CADM2: variants seen among roughly 807,000 people sequenced by gnomAD.
CADM2 encodes the protein immunoglobulin superfamily member 4D.
CADM2 carries 12 observed loss-of-function variants against 49.8 expected under a neutral mutation model. The observed-to-expected ratio is 0.24, with a 90% confidence interval of 0.15 to 0.39. The LOEUF (loss-of-function observed/expected upper bound fraction) is 0.39, where lower values mean the gene tolerates loss of function less well. CADM2 is among the 10% of genes least tolerant of loss of function. CADM2 has a pLI of 1.00. For synonymous variants in CADM2, 214 were observed against 175.4 expected (o/e 1.22, Z -1.74); for missense variants, 378 against 492.3 (o/e 0.77, Z 2.20).
At chr3:85,597,791 C>T (rs1193308738) in intron 1 of CADM2, among the ~76,000 whole-genome samples, 1 of 151,914 alleles carries the variant, frequency 6.6e-6, no homozygotes, top group Non-Finnish European at 1.5e-5. Flanking sequence ...ACAGTTTTCC[C>T]CTCTTTGATG....
At chr3:85,198,610 A>G (rs956493423) in intron 1 of CADM2, among the ~76,000 whole-genome samples, 15 of 151,866 alleles carry the variant, frequency 9.9e-5, no homozygotes, top group African/African-American at 3.6e-4. Context: ...GTGATATTGT[A>G]GTTTCAGTTT....
intron 1 of CADM2, among the ~76,000 whole-genome samples, chr3:85,312,668 C>A (rs920667127): frequency 2.0e-5 from 3 of 152,012 alleles, no homozygotes; most frequent in Non-Finnish European, 4.4e-5. Flanking sequence ...TAACAGAAGG[C>A]TTAAATTAAT....
intron 1 of CADM2, among the ~76,000 whole-genome samples, chr3:85,519,656 A>C (rs1411254540): frequency 1.3e-5 from 2 of 152,150 alleles, no homozygotes; most frequent in Non-Finnish European, 2.9e-5. Context: ...TACATGTTTT[A>C]GTAAGTAAAG....
rs115274418 is a variant in CADM2, at chr3:85,460,340, G to A, written c.62-266182G>A. Among the ~76,000 whole-genome samples the A allele has an allele frequency of 3.6e-3, 550 of 152,054 alleles. 4 individuals carry two copies. The highest frequency in any genetic ancestry group is 0.013 in the African/African-American group (521 of 41,462). Reference sequence around the variant, plus strand: ...AGAAGCATGAACCACTGTGAAGACAGAATCCAACTTTATAAAAAAAAATTT... The same window carrying A: ...AGAAGCATGAACCACTGTGAAGACAAAATCCAACTTTATAAAAAAAAATTT... On this transcript the variant is annotated intron_variant, in intron 1 of 9. Coordinates refer to ENST00000383699, the MANE Select transcript of CADM2 (RefSeq NM_001167675.2).
chr3:85,336,107 A>C (rs961077284), intron 1 of CADM2, among the ~76,000 whole-genome samples: 1 of 151,356 alleles, frequency 6.6e-6, no homozygotes. Flanking sequence ...ATAAGCTCTT[A>C]TCTTTGACGT....
Position 86,069,366 on chromosome 3 carries a change from A to G in CADM2, c.*2583A>G, listed in dbSNP as rs1266530043. 6.6e-6 allele frequency: 1 copy of G among 152,000 alleles called. No homozygotes were observed. The highest frequency in any genetic ancestry group is 2.4e-5 in the African/African-American group (1 of 41,436). The allele number at this position is 152,000 out of a possible 1,614,324, so 9.4% of individuals were successfully genotyped here. ...TATTATACTAGTTATAAATGCTGGT[A>G]TATTATAATTTGTGGGATCTAATTA... On this transcript the variant is annotated 3_prime_UTR_variant, in exon 10 of 10. Transcript: ENST00000383699.
At chr3:85,376,466 A>G (rs2033598268) in intron 1 of CADM2, among the ~76,000 whole-genome samples, 1 of 152,058 alleles carries the variant, frequency 6.6e-6, no homozygotes, top group Non-Finnish European at 1.5e-5. Context: ...TTAAGAATGT[A>G]ATATAAAAAA....
At chr3:85,293,975 G>A (rs1381201844) in intron 1 of CADM2, among the ~76,000 whole-genome samples, 2 of 151,950 alleles carry the variant, frequency 1.3e-5, no homozygotes, top group South Asian at 2.1e-4. Context: ...AGGGTATTCA[G>A]TTAGGAAAAG....
intron 2 of CADM2, among the ~76,000 whole-genome samples, chr3:85,764,662 T>A (rs2069565343): frequency 6.6e-6 from 1 of 152,060 alleles, no homozygotes; most frequent in Non-Finnish European, 1.5e-5. Flanking sequence ...AAGAGATGCA[T>A]CAGCATATCA....
intron 3 of CADM2, among the ~76,000 whole-genome samples, chr3:85,811,672 A>G (rs1394565579): frequency 6.6e-6 from 1 of 152,164 alleles, no homozygotes; most frequent in Non-Finnish European, 1.5e-5. Flanking sequence ...GTCAACAATG[A>G]TTGCAATGAC....
chr3:85,769,858 A>G (rs1301930970), intron 2 of CADM2, among the ~76,000 whole-genome samples: 1 of 151,658 alleles, frequency 6.6e-6, no homozygotes, highest in Non-Finnish European at 1.5e-5. Context: ...TCAATGAGAA[A>G]AAAAGGGAAA....
chr3:85,095,654 C>T (rs1335876245), intron 1 of CADM2, among the ~76,000 whole-genome samples: 1 of 152,076 alleles, frequency 6.6e-6, no homozygotes, highest in African/African-American at 2.4e-5. Flanking sequence ...TAGTATACAA[C>T]TAATAACCTA....
In CADM2 at chr3:85,159,510, G is replaced by C. The variant is rs954283980; in HGVS notation, c.61+199842G>C. Among the ~76,000 whole-genome samples the C allele has an allele frequency of 9.9e-5, 15 of 152,200 alleles. 1 individual carries two copies. Among genetic ancestry groups the C allele is most frequent in the Middle Eastern group, 6.3e-3 (2 of 316 alleles). On this transcript the variant is annotated intron_variant, in intron 1 of 9. Coordinates refer to ENST00000383699, the MANE Select transcript of CADM2 (RefSeq NM_001167675.2). ...CTCCTGAGATCCTTCAGACCCACTG[G>C]TGTCAGTGGTTTCACATGAGACAAT...
intron 2 of CADM2, among the ~76,000 whole-genome samples, chr3:85,778,266 T>A (rs777433668): frequency 6.6e-6 from 1 of 152,240 alleles, no homozygotes; most frequent in African/African-American, 2.4e-5. Context: ...AGAATCCATA[T>A]GTGTATATGT....
chr3:85,418,280 T>C (rs2036004998), intron 1 of CADM2, among the ~76,000 whole-genome samples: 1 of 152,100 alleles, frequency 6.6e-6, no homozygotes, highest in African/African-American at 2.4e-5. Context: ...TAATGTAAAC[T>C]ATGAATTTTA....
intron 1 of CADM2, among the ~76,000 whole-genome samples, chr3:84,988,190 GGA>G (rs1451003213): frequency 6.6e-6 from 1 of 152,178 alleles, no homozygotes; most frequent in South Asian, 2.1e-4. Flanking sequence ...AAAGAGAGAG[GGA>G]GAGAGAGAGG....
chr3:85,761,919 A>G (rs2069405969), intron 2 of CADM2, among the ~76,000 whole-genome samples: 1 of 152,192 alleles, frequency 6.6e-6, no homozygotes, highest in Non-Finnish European at 1.5e-5. Flanking sequence ...AGGTAGGGAA[A>G]TGAGAGCCTC....
chr3:85,872,149 G>T (rs1211015692), intron 3 of CADM2, among the ~76,000 whole-genome samples: 4 of 152,184 alleles, frequency 2.6e-5, no homozygotes, highest in Non-Finnish European at 4.4e-5. Flanking sequence ...CTCAAAGCCT[G>T]TAAGTCTAGA....
At chr3:85,698,713 T>C (rs2066649844) in intron 1 of CADM2, among the ~76,000 whole-genome samples, 1 of 152,108 alleles carries the variant, frequency 6.6e-6, no homozygotes, top group African/African-American at 2.4e-5. Context: ...TCCCATCACC[T>C]CCTACCATGC....
Sources: allele counts gnomAD v4.1 joint callset (sites outside exome capture counted in the v4.1 genomes callset), GRCh38; gene constraint gnomAD v4.1.1; transcripts MANE v1.5; gene names NCBI Gene and HGNC (gene_info 2026-07-23, HGNC 2026-07-21).